The following FGGY variants were observed in gnomAD, a reference collection of about 807,000 sequenced individuals.
The protein encoded by FGGY is FGGY carbohydrate kinase domain containing.
In FGGY, 72 loss-of-function variants were observed where a neutral mutation model predicts 71.3. The observed-to-expected ratio is 1.01, with a 90% CI of 0.84 to 1.23. FGGY has a LOEUF of 1.23. FGGY is among the 50% of genes most tolerant of loss of function. The probability of loss-of-function intolerance (pLI) is 0.00; values close to 1 mark genes in which losing one functional copy is unlikely to be tolerated. For synonymous variants in FGGY, 251 were observed against 250.3 expected (o/e 1.00, Z -0.02); for missense variants, 668 against 682.3 (o/e 0.98, Z 0.23).
chr1:59,467,310 T>C (rs186147983), intron 6 of FGGY, among the ~76,000 whole-genome samples: 97 of 152,032 alleles, frequency 6.4e-4, no homozygotes, highest in African/African-American at 2.3e-3. Flanking sequence ...ATGAGAACAC[T>C]TGGACACAGG....
Position 59,321,680 on chromosome 1 carries a change from G to T in FGGY, c.131G>T (p.Trp44Leu). 2.5e-6 allele frequency: 4 copies of T among 1,613,090 alleles called. No individual in the cohort carries two copies. In the East Asian group the frequency reaches 8.9e-5, roughly 36 times the overall value. Residue 44 changes from tryptophan to leucine, a missense_variant, in exon 2 of 16, where the codon TGG becomes TTG. Around this residue, in one of 2 missense-constraint regions of FGGY, gnomAD observed 661 missense variants for 661.6 expected, o/e 1.00. Coordinates refer to ENST00000303721, the MANE Select transcript of FGGY (RefSeq NM_018291.5). ...TTTGCAGACCAGCCAATTAAGAATT[G>T]GGAGCCCCAGTTCAACCACCATGAG... Reference protein sequence around the residue: ...LAFADQPIKNWEPQFNHHEQS... With the variant: ...LAFADQPIKNLEPQFNHHEQS...
intron 6 of FGGY, among the ~76,000 whole-genome samples, chr1:59,479,277 A>G (rs1378774578): frequency 2.0e-5 from 3 of 151,716 alleles, no homozygotes; most frequent in East Asian, 1.9e-4. Context: ...GTGTGGGGGG[A>G]GAGAGAGAGA....
chr1:59,563,114 C>T (rs552879768), intron 8 of FGGY, among the ~76,000 whole-genome samples: 5 of 152,242 alleles, frequency 3.3e-5, no homozygotes, highest in Admixed American at 3.3e-4. Context: ...ATTGCCCTGG[C>T]CAGAACTTCC....
At chr1:59,677,778 A>T (rs946680415) in intron 14 of FGGY, among the ~76,000 whole-genome samples, 2 of 152,082 alleles carry the variant, frequency 1.3e-5, no homozygotes, top group African/African-American at 4.8e-5. Context: ...TGATATTGCA[A>T]ATTTTGAAAC....
At chr1:59,564,908 C>T (rs757250394) in intron 8 of FGGY, among the ~76,000 whole-genome samples, 3 of 152,082 alleles carry the variant, frequency 2.0e-5, no homozygotes, top group Non-Finnish European at 4.4e-5. Context: ...ATGGCCTGAG[C>T]CCAGTTTTCC....
intron 14 of FGGY, among the ~76,000 whole-genome samples, chr1:59,683,951 T>C (rs2097525211): frequency 1.3e-5 from 2 of 152,258 alleles, no homozygotes; most frequent in Admixed American, 1.3e-4. Context: ...CATTTTCTGC[T>C]CTCCTCTGCT....
rs761151276 is a variant in FGGY at position 59,638,243 on chromosome 1, T to C, written c.1089T>C (p.Tyr363=). The C allele has an allele frequency of 1.9e-5, 31 of 1,614,036 alleles. No individual in the cohort carries two copies. The highest frequency in any genetic ancestry group is 1.2e-4 in the South Asian group (11 of 91,068). The change falls in exon 11 of 16, where the codon TAT becomes TAC. Residue 363 remains tyrosine (Y), a synonymous_variant. Transcript: ENST00000303721. ...VKATARCQSI[Y]AYLNSHLDLI... ...TCTCTTCCAGATGCCAGAGTATATA[T>C]GCATATTTGAACAGTCACCTGGATC...
chr1:59,616,352 A>G (rs1044960345), intron 9 of FGGY, among the ~76,000 whole-genome samples: 2 of 152,164 alleles, frequency 1.3e-5, no homozygotes, highest in Non-Finnish European at 2.9e-5. Context: ...GAAGCTGGAA[A>G]CCATCATTCT....
chr1:59,380,344 A>G (rs543199614), intron 5 of FGGY, among the ~76,000 whole-genome samples: 2 of 151,094 alleles, frequency 1.3e-5, no homozygotes, highest in East Asian at 3.9e-4. Flanking sequence ...TGGTATTTCT[A>G]GTTCTAGATC....
intron 5 of FGGY, among the ~76,000 whole-genome samples, chr1:59,446,555 CCTT>C (rs1190657794): frequency 5.3e-5 from 8 of 152,200 alleles, no homozygotes; most frequent in Non-Finnish European, 2.9e-5. Flanking sequence ...GAAATTAAGG[CCTT>C]CTTGGTCTCT....
rs1259710514 is a variant in FGGY, at chr1:59,512,385, C to T, written c.745C>T (p.Leu249Phe). Residue 249 changes from leucine to phenylalanine, a missense_variant, in exon 7 of 16, where the codon CTC becomes TTC. Transcript: ENST00000303721. ...AGAGGCAGCAAGAGACCTTGGCCTT[C>T]TCCCTGGGATTGCGGTCGCAGCTTC... Reference protein sequence around the residue: ...TPEAARDLGLLPGIAVAASLI... With the variant: ...TPEAARDLGLFPGIAVAASLI... 1.9e-6 allele frequency: 3 copies of T among 1,613,778 alleles called. No homozygotes were observed. The highest frequency in any genetic ancestry group is 2.5e-6 in the Non-Finnish European group (3 of 1,179,858).
At chr1:59,450,686 T>G (rs1019500384) in intron 5 of FGGY, among the ~76,000 whole-genome samples, 2 of 152,112 alleles carry the variant, frequency 1.3e-5, no homozygotes, top group African/African-American at 4.8e-5. Context: ...GCTTTTTAAA[T>G]TTTAGAAGCT....
intron 5 of FGGY, among the ~76,000 whole-genome samples, chr1:59,445,739 A>G (rs2071084834): frequency 6.6e-6 from 1 of 152,170 alleles, no homozygotes; most frequent in Admixed American, 6.6e-5. Flanking sequence ...TCCTTTGTTA[A>G]AAAAAGGAGA....
chr1:59,425,150 A>G (rs1295097475), intron 5 of FGGY, among the ~76,000 whole-genome samples: 1 of 152,212 alleles, frequency 6.6e-6, no homozygotes, highest in Non-Finnish European at 1.5e-5. Flanking sequence ...CATAATGCCT[A>G]GCGTACATTA....
At chr1:59,609,081 G>A (rs1388788607) in intron 9 of FGGY, among the ~76,000 whole-genome samples, 1 of 152,078 alleles carries the variant, frequency 6.6e-6, no homozygotes, top group African/African-American at 2.4e-5. Flanking sequence ...AGATAAATAA[G>A]GACAAACCAG....
Position 59,546,651 on chromosome 1 carries a change from A to G in FGGY, c.800-7473A>G. Among the ~76,000 whole-genome samples, 2 of 151,440 alleles carry G rather than the reference A, an allele frequency of 1.3e-5. 1 individual carries two copies. The highest frequency in any genetic ancestry group is 2.9e-5 in the Non-Finnish European group (2 of 67,874). ...AAGCTCTGCTTCCCAGGTTCACGCC[A>G]TTCTCCTGCCTCAGCCTCCCAAGTA... is the stretch of plus-strand genomic sequence containing the variant. On this transcript the variant is annotated intron_variant, in intron 7 of 15. Coordinates refer to ENST00000303721, the MANE Select transcript of FGGY (RefSeq NM_018291.5).
At chr1:59,735,043 G>T (rs2098088127) in intron 14 of FGGY, among the ~76,000 whole-genome samples, 2 of 152,166 alleles carry the variant, frequency 1.3e-5, no homozygotes, top group African/African-American at 2.4e-5. Context: ...AACCTTAAAA[G>T]AATTTTTGTT....
intron 14 of FGGY, among the ~76,000 whole-genome samples, chr1:59,686,751 C>T (rs763098131): frequency 5.3e-5 from 8 of 152,028 alleles, no homozygotes; most frequent in Non-Finnish European, 1.0e-4. Flanking sequence ...AGTAATAAAT[C>T]GAGCTGTATT....
At chr1:59,412,810 C>G (rs938840241) in intron 5 of FGGY, among the ~76,000 whole-genome samples, 1 of 152,082 alleles carries the variant, frequency 6.6e-6, no homozygotes, top group Non-Finnish European at 1.5e-5. Flanking sequence ...GAAAATGCAA[C>G]AGGGAGAGGG....
Sources: allele counts gnomAD v4.1 joint callset (sites outside exome capture counted in the v4.1 genomes callset), GRCh38; gene constraint gnomAD v4.1.1; regional missense constraint gnomAD v4.1.1; transcripts MANE v1.5; gene names NCBI Gene and HGNC (gene_info 2026-07-23, HGNC 2026-07-21).